MARCHF8: variants seen among roughly 807,000 people sequenced by gnomAD.
MARCHF8 encodes the protein membrane associated ring-CH-type finger 8, also known as E3 ubiquitin-protein ligase MARCHF8.
Under a neutral mutation model 51.6 loss-of-function variants are expected in MARCHF8, and 40 were observed. That is an observed-to-expected ratio of 0.77 (90% CI 0.60 to 1.01). The LOEUF (loss-of-function observed/expected upper bound fraction) is 1.01. Ranked by LOEUF, MARCHF8 falls within the 50% of genes least tolerant of loss-of-function variation. The probability of loss-of-function intolerance (pLI) is 0.00; values close to 1 mark genes in which losing one functional copy is unlikely to be tolerated. For synonymous variants in MARCHF8, 263 were observed against 280.3 expected (o/e 0.94, Z 0.62); for missense variants, 685 against 708.6 (o/e 0.97, Z 0.38).
intron 1 of MARCHF8, among the ~76,000 whole-genome samples, chr10:45,559,068 G>A (rs1055529303): frequency 6.6e-6 from 1 of 152,158 alleles, no homozygotes; most frequent in African/African-American, 2.4e-5. Flanking sequence ...CAATTATTCA[G>A]GAGGAATATG....
intron 1 of MARCHF8, among the ~76,000 whole-genome samples, chr10:45,581,639 G>T (rs967637035): frequency 1.3e-4 from 20 of 152,052 alleles, no homozygotes; most frequent in African/African-American, 4.6e-4. Context: ...TATCAAAATT[G>T]CCCAGACTGG....
At chr10:45,546,084 A>G (rs1472660824) in intron 1 of MARCHF8, among the ~76,000 whole-genome samples, 1 of 152,200 alleles carries the variant, frequency 6.6e-6, no homozygotes, top group Non-Finnish European at 1.5e-5. Context: ...GCCTGTTAAA[A>G]CTATTAGCTT....
chr10:45,527,045 T>C (rs1162709920), intron 2 of MARCHF8, among the ~76,000 whole-genome samples: 1 of 152,122 alleles, frequency 6.6e-6, no homozygotes, highest in East Asian at 1.9e-4. Flanking sequence ...GAAATTAAGA[T>C]GGAAGTTTAA....
At position 45,457,915 on chromosome 10, in the gene MARCHF8, C is replaced by T. The variant is rs1416073937; in HGVS notation, c.*324G>A. ...GGGTATCAGGGCCTGGGCACCCCTG[C>T]TCCTCCTCTTCCCTTGGGATTGGCA... On this transcript the variant is annotated 3_prime_UTR_variant, in exon 8 of 8. Coordinates refer to ENST00000453424, the MANE Select transcript of MARCHF8 (RefSeq NM_001282866.2). 1 of 291,856 alleles carries T rather than the reference C, an allele frequency of 3.4e-6. No individual in the cohort carries two copies. The highest frequency in any genetic ancestry group is 6.3e-6 in the Non-Finnish European group (1 of 159,648). 18.1% of individuals were successfully genotyped at this position (291,856 alleles called of 1,614,324 possible). A position where few individuals can be genotyped will look rare whatever the true frequency, so the allele number is the denominator to read the frequency against.
At chr10:45,462,738 G>A (rs1299127704) in intron 5 of MARCHF8, among the ~76,000 whole-genome samples, 1 of 151,712 alleles carries the variant, frequency 6.6e-6, no homozygotes, top group African/African-American at 2.4e-5. Context: ...CAATTCTCCT[G>A]CCTCAGCCTC....
intron 2 of MARCHF8, among the ~76,000 whole-genome samples, chr10:45,520,243 T>C (rs1304771034): frequency 6.6e-6 from 1 of 152,196 alleles, no homozygotes; most frequent in Non-Finnish European, 1.5e-5. Flanking sequence ...GATATGTAAG[T>C]GTTAGCCATT....
upstream of MARCHF8, among the ~76,000 whole-genome samples, chr10:45,537,652 C>CAAAAAA (rs559861085): frequency 1.3e-5 from 1 of 78,162 alleles, no homozygotes; most frequent in Admixed American, 1.5e-4. Context: ...GACCTTGTCT[C>CAAAAAA]AAAAAAAAAA....
At chr10:45,527,707 A>G (rs2043815158) in intron 2 of MARCHF8, among the ~76,000 whole-genome samples, 1 of 152,196 alleles carries the variant, frequency 6.6e-6, no homozygotes, top group African/African-American at 2.4e-5. Flanking sequence ...TACCAATCCT[A>G]TTGACAACAC....
intron 3 of MARCHF8, among the ~76,000 whole-genome samples, chr10:45,464,607 T>C (rs2132941623): frequency 6.6e-6 from 1 of 152,356 alleles, no homozygotes; most frequent in South Asian, 2.1e-4. Flanking sequence ...AGCATCTAAA[T>C]TGAGTTAGTT....
chr10:45,543,155 TA>T (rs1161259084), intron 1 of MARCHF8, among the ~76,000 whole-genome samples: 5 of 152,220 alleles, frequency 3.3e-5, no homozygotes, highest in African/African-American at 1.2e-4. Context: ...TTCCTAGTCT[TA>T]AAATACTCTT....
intron 1 of MARCHF8, among the ~76,000 whole-genome samples, chr10:45,563,401 G>A (rs1295885808): frequency 6.6e-6 from 1 of 152,148 alleles, no homozygotes; most frequent in Non-Finnish European, 1.5e-5. Context: ...GTATACGCAA[G>A]GGTTCTGGAA....
At chr10:45,500,679 G>C (rs1330424524) in intron 2 of MARCHF8, among the ~76,000 whole-genome samples, 1 of 151,656 alleles carries the variant, frequency 6.6e-6, no homozygotes, top group Non-Finnish European at 1.5e-5. Flanking sequence ...CCACAATTAG[G>C]AAAATAAACA....
At chr10:45,480,400 A>G (rs917444717) in intron 3 of MARCHF8, among the ~76,000 whole-genome samples, 1 of 152,140 alleles carries the variant, frequency 6.6e-6, no homozygotes, top group Admixed American at 6.5e-5. Context: ...CACCAACTCA[A>G]TGGGGGAAAA....
chr10:45,527,455 A>G (rs2043811953), intron 2 of MARCHF8, among the ~76,000 whole-genome samples: 1 of 152,186 alleles, frequency 6.6e-6, no homozygotes, highest in Non-Finnish European at 1.5e-5. Context: ...CAGAAATACA[A>G]AAGATCATCA....
intron 6 of MARCHF8, among the ~76,000 whole-genome samples, chr10:45,460,045 T>G (rs920842011): frequency 6.6e-6 from 1 of 152,172 alleles, no homozygotes; most frequent in African/African-American, 2.4e-5. Flanking sequence ...GAGATTAGCA[T>G]AGAGTAGGCA....
chr10:45,576,190 A>G (rs2133406443), intron 1 of MARCHF8, among the ~76,000 whole-genome samples: 1 of 152,344 alleles, frequency 6.6e-6, no homozygotes, highest in East Asian at 1.9e-4. Flanking sequence ...CAGAATACAA[A>G]GTCCAGAAAC....
At chr10:45,527,782 A>G (rs118021889) in intron 2 of MARCHF8, among the ~76,000 whole-genome samples, 14 of 152,256 alleles carry the variant, frequency 9.2e-5, no homozygotes, top group Non-Finnish European at 1.2e-4. Context: ...ACCAAATCCA[A>G]GCAAGGACAC....
At chr10:45,525,569 A>G (rs1414620077) in intron 2 of MARCHF8, among the ~76,000 whole-genome samples, 4 of 152,210 alleles carry the variant, frequency 2.6e-5, no homozygotes, top group Non-Finnish European at 5.9e-5. Flanking sequence ...CCCATTCTTT[A>G]AAGTGGGCTA....
chr10:45,489,542 T>C, intron 2 of MARCHF8, 125 bp from the exon 3 acceptor site: 1 of 775,326 alleles, frequency 1.3e-6, no homozygotes, highest in Non-Finnish European at 2.2e-6. Flanking sequence ...AAGCACAACC[T>C]ACTATATACT....
Sources: gnomAD v4.1 joint callset for allele counts (sites outside exome capture counted in the v4.1 genomes callset) on GRCh38, gnomAD v4.1.1 for gene constraint, MANE v1.5 for transcripts, NCBI Gene and HGNC (gene_info 2026-07-23, HGNC 2026-07-21) for gene names.